Variants in BTBD9 observed in about 807,000 individuals in gnomAD.
BTBD9 encodes the protein BTB domain containing 9.
Under a neutral mutation model 64.3 loss-of-function variants are expected in BTBD9, and 49 were observed. The observed-to-expected ratio is 0.76, with a 90% CI of 0.61 to 0.97. The LOEUF (loss-of-function observed/expected upper bound fraction) is 0.97. BTBD9 is among the 50% of genes least tolerant of loss of function. The pLI is 0.00. For missense variants in BTBD9, 598 were observed against 762.1 expected, an observed-to-expected ratio of 0.78 and a Z score of 2.53; for synonymous variants, 260 against 274.7, an observed-to-expected ratio of 0.95 and a Z score of 0.53.
intron 6 of BTBD9, among the ~76,000 whole-genome samples, chr6:38,536,287 C>T (rs958850879): frequency 6.6e-6 from 1 of 152,088 alleles, no homozygotes; most frequent in Non-Finnish European, 1.5e-5. Context: ...ATCATCTCAT[C>T]CCAGTTAAAA....
At chr6:38,316,270 A>G (rs1204674625) in intron 7 of BTBD9, among the ~76,000 whole-genome samples, 3 of 152,188 alleles carry the variant, frequency 2.0e-5, no homozygotes, top group South Asian at 2.1e-4. Context: ...CACCCACTCT[A>G]TGCCCTTTGG....
At chr6:38,404,999 T>C (rs763783051) in intron 6 of BTBD9, among the ~76,000 whole-genome samples, 2 of 152,174 alleles carry the variant, frequency 1.3e-5, no homozygotes, top group Non-Finnish European at 2.9e-5. Flanking sequence ...TCAGTGCTTA[T>C]TGTCAATCGT....
rs988555700 is a variant in BTBD9 at position 38,184,997 on chromosome 6, C to A, written c.1641+7522G>T. ...GCTGCTGTCGGCCCATGCAGATGCT[C>A]CTCTGACACGCTCGTGGGCTGATCA... On this transcript the variant is annotated intron_variant, in intron 10 of 10. Coordinates refer to ENST00000481247, the MANE Select transcript of BTBD9 (RefSeq NM_001099272.2). This position sits in a 1 kb window ranked among gnomAD's most constrained non-coding sequence, Gnocchi z 4.4. Among the ~76,000 whole-genome samples the A allele has an allele frequency of 2.6e-5, 4 of 152,170 alleles. No homozygotes were observed. Among genetic ancestry groups the A allele is most frequent in the African/African-American group, 9.7e-5 (4 of 41,430 alleles).
chr6:38,332,953 T>C (rs1763737697), intron 7 of BTBD9, among the ~76,000 whole-genome samples: 1 of 152,234 alleles, frequency 6.6e-6, no homozygotes, highest in South Asian at 2.1e-4. Context: ...CTTGTCATGC[T>C]TACTTCACAG....
intron 9 of BTBD9, among the ~76,000 whole-genome samples, chr6:38,198,151 TAAAA>T (rs756952152): frequency 6.6e-6 from 1 of 152,222 alleles, no homozygotes; most frequent in South Asian, 2.1e-4. Flanking sequence ...TTGAAATAAA[TAAAA>T]AGAAAGAGAC....
chr6:38,516,180 A>G (rs1159933266), intron 6 of BTBD9, among the ~76,000 whole-genome samples: 1 of 152,280 alleles, frequency 6.6e-6, no homozygotes, highest in South Asian at 2.1e-4. Flanking sequence ...AGGTAAATGA[A>G]AGAGGAAAGT....
intron 8 of BTBD9, among the ~76,000 whole-genome samples, chr6:38,269,350 T>A (rs1453144680): frequency 6.6e-6 from 1 of 152,122 alleles, no homozygotes; most frequent in East Asian, 1.9e-4. Flanking sequence ...TAAAGCAACA[T>A]TTTATGTATT....
chr6:38,539,076 G>A (rs1047903057), intron 6 of BTBD9, among the ~76,000 whole-genome samples: 13 of 152,066 alleles, frequency 8.5e-5, no homozygotes, highest in Non-Finnish European at 1.9e-4. Context: ...AAAGTGCTGG[G>A]ATTACAGCAA....
At chr6:38,242,737 T>A (rs1173675517) in intron 9 of BTBD9, among the ~76,000 whole-genome samples, 2 of 152,220 alleles carry the variant, frequency 1.3e-5, no homozygotes, top group African/African-American at 4.8e-5. Context: ...GAACAAATAT[T>A]AGACTGAATC....
At chr6:38,336,456 C>T (rs1448120538) in intron 7 of BTBD9, among the ~76,000 whole-genome samples, 3 of 152,070 alleles carry the variant, frequency 2.0e-5, no homozygotes, top group African/African-American at 7.2e-5. Flanking sequence ...AGAAAGGCAC[C>T]TTCTTCACAT....
chr6:38,375,766 T>C (rs1227444035), intron 6 of BTBD9, among the ~76,000 whole-genome samples: 1 of 152,124 alleles, frequency 6.6e-6, no homozygotes, highest in Non-Finnish European at 1.5e-5. Flanking sequence ...CAACATTAAT[T>C]CTTTTAAAAT....
intron 9 of BTBD9, among the ~76,000 whole-genome samples, chr6:38,244,619 C>A (rs1215833758): frequency 1.3e-5 from 2 of 152,086 alleles, no homozygotes; most frequent in African/African-American, 4.8e-5. Context: ...TTGGCCCCTC[C>A]ATAAAAATAA....
intron 6 of BTBD9, among the ~76,000 whole-genome samples, chr6:38,364,134 T>TA (rs372934937): frequency 6.9e-4 from 105 of 151,368 alleles, no homozygotes; most frequent in African/African-American, 2.4e-3. Flanking sequence ...AATGTAGCAT[T>TA]AAAAAAAAAT....
chr6:38,249,758 C>CAA lies in BTBD9; in HGVS notation c.1562+6649_1562+6650dup, dbSNP rs386358932. Among the ~76,000 whole-genome samples the CAA allele has an allele frequency of 2.3e-3, 278 of 121,764 alleles. 1 individual carries two copies. Among genetic ancestry groups the CAA allele is most frequent in the South Asian group, 8.2e-3 (30 of 3,658 alleles). 79.9% of individuals were successfully genotyped at this position (121,764 alleles called of 152,430 possible). On this transcript the variant is annotated intron_variant, in intron 9 of 10. Transcript: ENST00000481247. Reference sequence around the variant, plus strand: ...CAGCTCAAATAAGAGCATTAAGAATCAAAAAAAAAAAAAAAGTATATAAGA... The same window carrying CAA: ...CAGCTCAAATAAGAGCATTAAGAATCAAAAAAAAAAAAAAAAAGTATATAAGA...
chr6:38,376,969 G>T (rs554798495), intron 6 of BTBD9, among the ~76,000 whole-genome samples: 5 of 152,278 alleles, frequency 3.3e-5, no homozygotes, highest in African/African-American at 1.2e-4. Context: ...GGTTATTAAA[G>T]ACTGCTTTCC....
At chr6:38,246,317 T>C (rs1282973986) in intron 9 of BTBD9, among the ~76,000 whole-genome samples, 1 of 152,198 alleles carries the variant, frequency 6.6e-6, no homozygotes, top group Non-Finnish European at 1.5e-5. Flanking sequence ...CTTTAGGTAC[T>C]TCATAACCCC....
rs1167004597 is a variant in BTBD9 at position 38,175,021 on chromosome 6, G to A, written c.1803C>T (p.Gly601=). ...PSGSSLPSSP[G]SNSRSPNRQH... is the part of the protein sequence containing the mutation. The stretch of plus-strand genomic sequence containing the variant: ...GCCGGTTGGGGGAGCGTGAGTTGGA[G>A]CCTGGGCTGGAGGGTAGTGAGCTGC... The change falls in exon 11 of 11, where the codon GGC becomes GGT. Residue 601 remains glycine (G), a synonymous_variant. Coordinates refer to ENST00000481247, the MANE Select transcript of BTBD9 (RefSeq NM_001099272.2). 1.2e-6 allele frequency: 2 copies of A among 1,614,086 alleles called. No individual in the cohort carries two copies. Among genetic ancestry groups the A allele is most frequent in the Non-Finnish European group, 1.7e-6 (2 of 1,180,042 alleles).
intron 6 of BTBD9, among the ~76,000 whole-genome samples, chr6:38,425,138 A>T (rs1222584174): frequency 7.4e-6 from 1 of 135,078 alleles, no homozygotes; most frequent in Admixed American, 7.7e-5. Flanking sequence ...TTTGAGTGAG[A>T]GTCTTGCTCT....
chr6:38,459,024 T>C (rs1769948839), intron 6 of BTBD9, among the ~76,000 whole-genome samples: 1 of 152,192 alleles, frequency 6.6e-6, no homozygotes, highest in South Asian at 2.1e-4. Flanking sequence ...TTTTTATTTA[T>C]TTTTATTTTT....
Sources: gnomAD v4.1 joint callset for allele counts (sites outside exome capture counted in the v4.1 genomes callset) on GRCh38, gnomAD v4.1.1 for gene constraint, Gnocchi (gnomAD v3.1) non-coding constraint, MANE v1.5 for transcripts, NCBI Gene and HGNC (gene_info 2026-07-23, HGNC 2026-07-21) for gene names.